Variants in DNAH11 observed in about 807,000 individuals in gnomAD.
DNAH11 encodes the protein axonemal beta dynein heavy chain 11.
Under a neutral mutation model 526.0 loss-of-function variants are expected in DNAH11, and 442 were observed. The observed-to-expected ratio is 0.84, with a 90% confidence interval of 0.78 to 0.91. DNAH11 has a LOEUF of 0.91. Among genes scored for constraint, DNAH11 ranks in the 40% least tolerant of loss-of-function variants. DNAH11 has a pLI of 0.00. For missense variants in DNAH11, 6,989 were observed against 5,448.7 expected (o/e 1.28, Z -8.90); for synonymous variants, 2,461 against 1,935.9 (o/e 1.27, Z -7.12).
At chr7:21,622,281 C>T (rs971323162) in intron 25 of DNAH11, among the ~76,000 whole-genome samples, 3 of 152,006 alleles carry the variant, frequency 2.0e-5, no homozygotes, top group Non-Finnish European at 2.9e-5. Flanking sequence ...AGGACCTCTT[C>T]AAGGAGAACT....
intron 54 of DNAH11, among the ~76,000 whole-genome samples, chr7:21,759,709 G>A (rs1243652475): frequency 6.6e-6 from 1 of 152,180 alleles, no homozygotes; most frequent in African/African-American, 2.4e-5. Context: ...AGTGACTGTA[G>A]CAATTCACAT....
At chr7:21,734,331 A>G (rs1037416177) in intron 45 of DNAH11, among the ~76,000 whole-genome samples, 6 of 152,220 alleles carry the variant, frequency 3.9e-5, no homozygotes, top group African/African-American at 1.4e-4. Flanking sequence ...AGTGTGAATT[A>G]TTGGTATTAA....
At chr7:21,821,856 T>A (rs1284328763) in intron 65 of DNAH11, among the ~76,000 whole-genome samples, 1 of 151,972 alleles carries the variant, frequency 6.6e-6, no homozygotes, top group Non-Finnish European at 1.5e-5. Context: ...ATCTTCCACC[T>A]CCCCCGCCAG....
In DNAH11 at chr7:21,763,353, A is replaced by AAAAAAAAAAAAAAAAAAGAAG. The variant is rs66803559; in HGVS notation, c.8941-2072_8941-2071insAAAAAAAAAAAAAAGAAGAAA. ...CAAGACTGTCTCAAAAAAAAAAAAA[A>AAAAAAAAAAAAAAAAAAGAAG]AAAGAAAAAAAAAAAGACTTACAAA... On this transcript the variant is annotated intron_variant, in intron 54 of 81. Transcript: ENST00000409508. Among the ~76,000 whole-genome samples the AAAAAAAAAAAAAAAAAAGAAG allele has an allele frequency of 4.4e-4, 25 of 56,950 alleles. 1 individual carries two copies. The highest frequency in any genetic ancestry group is 5.1e-4 in the Non-Finnish European group (18 of 35,544). The allele number at this position is 56,950 out of a possible 152,430, so 37.4% of individuals were successfully genotyped here.
At position 21,888,140 on chromosome 7, in the gene DNAH11, G is replaced by A. The variant is rs143777326; in HGVS notation, c.12507+3730G>A. Among the ~76,000 whole-genome samples, 165 of 152,250 alleles carry A rather than the reference G, an allele frequency of 1.1e-3. 2 individuals carry two copies. The highest frequency in any genetic ancestry group is 3.8e-3 in the African/African-American group (159 of 41,536). ...CACTTCATTCATTTATAAAATTAAGGTATTGCCTAGAAAATCACCAATGTA... is the reference window on the plus strand; with the variant it reads ...CACTTCATTCATTTATAAAATTAAGATATTGCCTAGAAAATCACCAATGTA... On this transcript the variant is annotated intron_variant, in intron 76 of 81. Coordinates refer to ENST00000409508, the MANE Select transcript of DNAH11 (RefSeq NM_001277115.2).
At chr7:21,625,477 G>A (rs948041142) in intron 25 of DNAH11, among the ~76,000 whole-genome samples, 16 of 151,984 alleles carry the variant, frequency 1.1e-4, no homozygotes, top group African/African-American at 2.9e-4. Context: ...TGGTCGTTTT[G>A]TTGTCTTTGT....
chr7:21,635,732 C>A, intron 25 of DNAH11, 139 bp from the exon 26 acceptor site: 3 of 594,522 alleles, frequency 5.0e-6, no homozygotes, highest in Non-Finnish European at 8.0e-6. Context: ...TTAGCAAAAA[C>A]TTATTAAATG....
In DNAH11 at chr7:21,711,500, G is replaced by C. The variant is rs141588692; in HGVS notation, c.6835-212G>C. Among the ~76,000 whole-genome samples, 106 of 152,284 alleles carry C rather than the reference G, an allele frequency of 7.0e-4. 1 individual carries two copies. The highest frequency in any genetic ancestry group is 2.5e-3 in the African/African-American group (103 of 41,550). On this transcript the variant is annotated intron_variant, in intron 41 of 81. Transcript: ENST00000409508. ...ATAAAAATTACTACAATTATGTAAA[G>C]GTCGACATTCACAAGTCCATTTAGG...
At chr7:21,801,384 G>GGA in intron 62 of DNAH11, 109 bp downstream of exon 62, 1 of 1,413,730 alleles carries the variant, frequency 7.1e-7, no homozygotes, top group Non-Finnish European at 9.6e-7. Context: ...TAACAACAAA[G>GGA]GATAATATTT....
chr7:21,712,323 A>T (rs1936846861), intron 42 of DNAH11, among the ~76,000 whole-genome samples: 1 of 152,196 alleles, frequency 6.6e-6, no homozygotes, highest in African/African-American at 2.4e-5. Flanking sequence ...GCTATTGTGA[A>T]CAATGCTGCT....
chr7:21,772,101 T>G (rs1787461497), intron 55 of DNAH11, among the ~76,000 whole-genome samples: 1 of 152,146 alleles, frequency 6.6e-6, no homozygotes, highest in Non-Finnish European at 1.5e-5. Flanking sequence ...CAGTGTGAAT[T>G]ACAACCAGCT....
In DNAH11 at chr7:21,543,552, G is replaced by A. The variant is rs1253466147; in HGVS notation, c.307G>A (p.Val103Met). Residue 103 changes from valine (V) to methionine (M), a missense_variant, in exon 1 of 82, where the codon GTG becomes ATG. Coordinates refer to ENST00000409508, the MANE Select transcript of DNAH11 (RefSeq NM_001277115.2). The stretch of plus-strand genomic sequence containing the variant: ...GGAAAGCACCAGCCCGGCTTGCCTT[G>A]TGTTTAGCTTCGCCGCCTCGGGGCG... ...FLESTSPACLVFSFAASGRLA... is the reference protein window; with the variant it reads ...FLESTSPACLMFSFAASGRLA... 3 of 1,608,148 alleles carry A rather than the reference G, an allele frequency of 1.9e-6. No homozygotes were observed. In the East Asian group the frequency reaches 6.7e-5, roughly 36 times the overall value.
At chr7:21,544,377 G>C (rs547718922) in intron 1 of DNAH11, among the ~76,000 whole-genome samples, 1 of 152,134 alleles carries the variant, frequency 6.6e-6, no homozygotes, top group Non-Finnish European at 1.5e-5. Context: ...TAATAGGAAG[G>C]CTGCCTTATG....
intron 66 of DNAH11, among the ~76,000 whole-genome samples, chr7:21,850,996 A>G (rs569043475): frequency 6.6e-6 from 1 of 152,278 alleles, no homozygotes; most frequent in South Asian, 2.1e-4. Flanking sequence ...GGAGCTGTGA[A>G]TCACTGGGAT....
chr7:21,790,245 G>A (rs1350376995), intron 61 of DNAH11, among the ~76,000 whole-genome samples: 4 of 152,000 alleles, frequency 2.6e-5, no homozygotes, highest in African/African-American at 9.7e-5. Context: ...AGGAGATCGA[G>A]ACCATCCTGG....
At chr7:21,556,264 G>T (rs982952328) in intron 2 of DNAH11, among the ~76,000 whole-genome samples, 1 of 152,134 alleles carries the variant, frequency 6.6e-6, no homozygotes. Flanking sequence ...TGCATGAGCT[G>T]TGCGATTTGT....
At chr7:21,828,050 A>C (rs1790385244) in intron 65 of DNAH11, among the ~76,000 whole-genome samples, 1 of 151,904 alleles carries the variant, frequency 6.6e-6, no homozygotes, top group African/African-American at 2.4e-5. Flanking sequence ...CCAAGTTCAA[A>C]CAATTCCCCT....
intron 20 of DNAH11, among the ~76,000 whole-genome samples, chr7:21,607,875 T>C (rs780157609): frequency 7.0e-6 from 1 of 143,722 alleles, no homozygotes; most frequent in Non-Finnish European, 1.5e-5. Context: ...GAGGCAGAGA[T>C]TGCAGTGAGC....
At chr7:21,621,009 G>A (rs1209062976) in intron 25 of DNAH11, among the ~76,000 whole-genome samples, 1 of 151,974 alleles carries the variant, frequency 6.6e-6, no homozygotes, top group Non-Finnish European at 1.5e-5. Context: ...GTTGTGAATA[G>A]TGCCACAATA....
Sources: gnomAD v4.1 joint callset for allele counts (sites outside exome capture counted in the v4.1 genomes callset) on GRCh38, gnomAD v4.1.1 for gene constraint, MANE v1.5 for transcripts, NCBI Gene and HGNC (gene_info 2026-07-23, HGNC 2026-07-21) for gene names.